WIZ: variants seen among roughly 807,000 people sequenced by gnomAD.
The protein encoded by WIZ is protein Wiz.
A neutral mutation model predicts 140.2 loss-of-function variants in WIZ; 25 were observed. That is an observed-to-expected ratio of 0.18 (90% CI 0.13 to 0.25). The LOEUF is 0.25. Among genes scored for constraint, WIZ ranks in the 10% least tolerant of loss-of-function variants. The probability of loss-of-function intolerance (pLI) is 1.00; values close to 1 mark genes in which losing one functional copy is unlikely to be tolerated. For missense variants in WIZ, 2,231 were observed against 2,632.6 expected, an observed-to-expected ratio of 0.85 and a Z score of 3.34; for synonymous variants, 1,125 against 1,154.3, an observed-to-expected ratio of 0.97 and a Z score of 0.51.
At chr19:15,436,762 C>T (rs1568306781) in intron 5 of WIZ, 44 bp downstream of exon 5, 1 of 1,503,330 alleles carries the variant, frequency 6.7e-7, no homozygotes. Context: ...CTCTGGGCCC[C>T]TGGGAAGGAT....
rs376749300 is a variant in WIZ at position 15,427,037 on chromosome 19, G to A, written c.4311C>T (p.His1437=). 2.5e-6 allele frequency: 4 copies of A among 1,614,058 alleles called. No homozygotes were observed. In the African/African-American group the frequency reaches 5.3e-5, roughly 22 times the overall value. Residue 1437 remains histidine, a synonymous_variant, in exon 9 of 13, where the codon CAC becomes CAT. Coordinates refer to ENST00000673675, the MANE Select transcript of WIZ (RefSeq NM_001371589.1). This position sits in a 1 kb window ranked among gnomAD's most constrained non-coding sequence, Gnocchi z 6.4. The part of the protein sequence containing the change: ...MLPGALHGEL[H]PSEGPWGAPR... ...GTGCCCCCCAGGGACCCTCAGATGG[G>A]TGCAGTTCCCCATGAAGGGCCCCCG...
intron 7 of WIZ, 45 bp downstream of exon 7, chr19:15,429,538 ACCC>A (rs1251861309): frequency 9.0e-7 from 1 of 1,108,286 alleles, no homozygotes; most frequent in African/African-American, 1.7e-5. Context: ...TGAGGTCCCG[ACCC>A]TCCCAGCGCC....
rs547183724 is a variant in WIZ at position 15,432,767 on chromosome 19, G to GTGCCGC, written c.2741-1591_2741-1586dup. Among the ~76,000 whole-genome samples, 15 of 151,682 alleles carry GTGCCGC rather than the reference G, an allele frequency of 9.9e-5. No homozygotes were observed. The South Asian group carries it at 3.1e-3, about 31-fold the overall frequency. ...GGAGCAGCTGAGCGCCGAGTGCCGA[G>GTGCCGC]TGCCGCTGCCGCCGCCGCCAAACCC... On this transcript the variant is annotated intron_variant, in intron 5 of 12. Coordinates refer to ENST00000673675, the MANE Select transcript of WIZ (RefSeq NM_001371589.1).
intron 9 of WIZ, among the ~76,000 whole-genome samples, chr19:15,426,462 C>T (rs1280980877): frequency 6.6e-6 from 1 of 152,194 alleles, no homozygotes; most frequent in Admixed American, 6.5e-5. Context: ...CTCAAGAAAA[C>T]CAGACAGAGT....
Position 15,424,987 on chromosome 19 carries a change from C to T in WIZ, c.4940G>A (p.Arg1647His). Residue 1647 changes from arginine (R) to histidine (H), a missense_variant, in exon 11 of 13, where the codon CGC becomes CAC. Arg to His is a conservative substitution (Grantham distance 29). This residue lies in a region of WIZ where 18 missense variants were observed against 61.4 expected (regional missense o/e 0.29). Transcript: ENST00000673675. The surrounding 1 kb of genome is among the most constrained non-coding windows in gnomAD (Gnocchi z 9.7). Reference protein sequence around the residue: ...CELCGLYFENRKALASHARAH... With the variant: ...CELCGLYFENHKALASHARAH... Reference sequence around the variant, plus strand: ...CCGTGCGTGGCTGGCCAGGGCCTTGCGGTTTTCAAAGTAAAGGCCACACAG... The same window carrying T: ...CCGTGCGTGGCTGGCCAGGGCCTTGTGGTTTTCAAAGTAAAGGCCACACAG... 1 of 1,601,114 alleles carries T rather than the reference C, an allele frequency of 6.2e-7. No individual in the cohort carries two copies.
rs1428800323 is a variant in WIZ at position 15,424,951 on chromosome 19, C to T, written c.4976G>A (p.Arg1659Gln). Residue 1659 changes from arginine to glutamine, a missense_variant, in exon 11 of 13, where the codon CGG (arginine) becomes CAG (glutamine). Physicochemically the swap from Arg to Gln is conservative, Grantham distance 43 (BLOSUM62 1). Around this residue, in one of 15 missense-constraint regions of WIZ, gnomAD observed 18 missense variants for 61.4 expected, o/e 0.29. Coordinates refer to ENST00000673675, the MANE Select transcript of WIZ (RefSeq NM_001371589.1). The surrounding 1 kb of genome is among the most constrained non-coding windows in gnomAD (Gnocchi z 9.7). ...GCACCACTCGGTCACGCCGAACTGC[C>T]GCAGGTGTGCCCGTGCGTGGCTGGC... Reference protein sequence around the residue: ...ALASHARAHLRQFGVTEWCVN... With the variant: ...ALASHARAHLQQFGVTEWCVN... 1 of 1,608,846 alleles carries T rather than the reference C, an allele frequency of 6.2e-7. No individual in the cohort carries two copies. Among genetic ancestry groups the T allele is most frequent in the Non-Finnish European group, 8.5e-7 (1 of 1,178,434 alleles).
intron 3 of WIZ, among the ~76,000 whole-genome samples, chr19:15,441,002 T>C (rs1969725163): frequency 1.3e-5 from 2 of 152,118 alleles, no homozygotes; most frequent in Admixed American, 1.3e-4. Flanking sequence ...CACACGGGGA[T>C]GTGGCCACCT....
At chr19:15,436,298 A>G (rs542779030) in intron 5 of WIZ, among the ~76,000 whole-genome samples, 6 of 152,230 alleles carry the variant, frequency 3.9e-5, no homozygotes, top group Non-Finnish European at 5.9e-5. Context: ...CTATACAACA[A>G]TGCTTCTCAA....
At position 15,429,213 on chromosome 19, in the gene WIZ, T is replaced by C. The variant is rs189228342; in HGVS notation, c.3415+373A>G. 1.9e-3 allele frequency among the ~76,000 whole-genome samples: 289 copies of C among 152,264 alleles called. 1 individual carries two copies. Among genetic ancestry groups the C allele is most frequent in the African/African-American group, 6.6e-3 (275 of 41,542 alleles). On this transcript the variant is annotated intron_variant, in intron 7 of 12. Transcript: ENST00000673675. ...CAGGTGATCCCCTGTCTATCCAAGA[T>C]GCTTCCAACTACCACTGAGAAAGCT... is the stretch of plus-strand genomic sequence containing the variant.
Position 15,423,130 on chromosome 19 carries a change from TG to T in WIZ, c.5615del (p.Pro1872HisfsTer152), listed in dbSNP as rs1387099118. 6.2e-7 allele frequency: 1 copy of T among 1,612,488 alleles called. No homozygotes were observed. Among genetic ancestry groups the T allele is most frequent in the Admixed American group, 1.7e-5 (1 of 59,982 alleles). On this transcript the variant is annotated frameshift_variant, in exon 13 of 13. Transcript: ENST00000673675. LOFTEE classifies it high-confidence loss of function. Reference protein sequence around the residue: ...LEMNFSKADPPPEESQAPQAQ... With the variant: ...LEMNFSKADPXPEESQAPQAQ... ...CCTGCGGGGCCTGGGACTCCTCAGG[TG>T]GGGGGTCCGCTTTGGAGAAGTTCAT... is the stretch of plus-strand genomic sequence containing the variant.
At position 15,442,017 on chromosome 19, in the gene WIZ, T is replaced by C. The variant is rs139283561; in HGVS notation, c.278+659A>G. On this transcript the variant is annotated intron_variant, in intron 3 of 12. Coordinates refer to ENST00000673675, the MANE Select transcript of WIZ (RefSeq NM_001371589.1). The surrounding 1 kb of genome is among the most constrained non-coding windows in gnomAD (Gnocchi z 5.5). ...GCCTGACCAATATGGTGAAACCCCA[T>C]CTCTACTAAAAATACAAAAACTATC... Among the ~76,000 whole-genome samples the C allele has an allele frequency of 2.4e-3, 359 of 152,068 alleles. 2 individuals are homozygous for C. The highest frequency in any genetic ancestry group is 2.1e-3 in the Non-Finnish European group (146 of 67,990).
In WIZ at chr19:15,424,041, C is replaced by T; in HGVS notation, c.5510+142G>A. 1 of 742,034 alleles carries T rather than the reference C, an allele frequency of 1.3e-6. No individual in the cohort carries two copies. The allele number at this position is 742,034 out of a possible 1,614,324, so 46.0% of individuals were successfully genotyped here. ...AGGCTACAAAGCTCAGGGTGTCAGC[C>T]TTTAGCCTGAGCCCCACCACACCCA... On this transcript the variant is annotated intron_variant, in intron 12 of 12. Transcript: ENST00000673675. This position sits in a 1 kb window ranked among gnomAD's most constrained non-coding sequence, Gnocchi z 9.7.
chr19:15,446,145 C>T (rs911925006), intron 2 of WIZ, among the ~76,000 whole-genome samples: 1 of 152,180 alleles, frequency 6.6e-6, no homozygotes. Flanking sequence ...CCTGGCCCCC[C>T]TCAGCAGCCA....
chr19:15,449,298 G>T (rs1449372409), intron 1 of WIZ, among the ~76,000 whole-genome samples: 3 of 151,972 alleles, frequency 2.0e-5, no homozygotes, highest in African/African-American at 4.8e-5. Context: ...GCCCTCGGGG[G>T]CCTGGGGATT....
chr19:15,440,042 T>C lies in WIZ; in HGVS notation c.952A>G (p.Ile318Val). 7 of 1,535,896 alleles carry C rather than the reference T, an allele frequency of 4.6e-6. No individual in the cohort carries two copies. Among genetic ancestry groups the C allele is most frequent in the Non-Finnish European group, 5.2e-6 (6 of 1,146,816 alleles). The change falls in exon 4 of 13, where the codon ATC becomes GTC. Residue 318 changes from isoleucine to valine, a missense_variant. Ile to Val is a conservative substitution (Grantham distance 29, BLOSUM62 3). This residue lies in a region of WIZ where 6 missense variants were observed against 19.8 expected (regional missense o/e 0.30). Transcript: ENST00000673675. This position sits in a 1 kb window ranked among gnomAD's most constrained non-coding sequence, Gnocchi z 6.2. ...TGCTTGAAGTAGATGCTGCACTCGA[T>C]GCATGGGAACACGGCCGGCTCCTCG... is the stretch of plus-strand genomic sequence containing the variant. ...EDEEPAVFPCIECSIYFKQKE... is the reference protein window; with the variant it reads ...EDEEPAVFPCVECSIYFKQKE...
In WIZ at chr19:15,440,230, G is replaced by A. The variant is rs1969684858; in HGVS notation, c.764C>T (p.Pro255Leu). 1 of 1,507,896 alleles carries A rather than the reference G, an allele frequency of 6.6e-7. No homozygotes were observed. The allele number at this position is 1,507,896 out of a possible 1,614,324, so 93.4% of individuals were successfully genotyped here. A position where few individuals can be genotyped will look rare whatever the true frequency, so the allele number is the denominator to read the frequency against. Reference sequence around the variant, plus strand: ...TGTGGCTACCTCCGAGGCTGACGTGGGTAGGCCCCACTCGGACGGCTGGGC... The same window carrying A: ...TGTGGCTACCTCCGAGGCTGACGTGAGTAGGCCCCACTCGGACGGCTGGGC... Reference protein sequence around the residue: ...GLAQPSEWGLPTSASEVATQT... With the variant: ...GLAQPSEWGLLTSASEVATQT... Residue 255 changes from proline to leucine, a missense_variant, in exon 4 of 13, where the codon CCC (proline) becomes CTC (leucine). Around this residue, in one of 15 missense-constraint regions of WIZ, gnomAD observed 307 missense variants for 294.1 expected, o/e 1.04. Transcript: ENST00000673675. This position sits in a 1 kb window ranked among gnomAD's most constrained non-coding sequence, Gnocchi z 6.2.
intron 3 of WIZ, among the ~76,000 whole-genome samples, chr19:15,441,509 G>A (rs757172674): frequency 1.4e-4 from 21 of 152,168 alleles, no homozygotes; most frequent in Non-Finnish European, 2.5e-4. Flanking sequence ...CAATGACCCC[G>A]CAGGGTGTAG....
intron 5 of WIZ, chr19:15,432,504 T>C (rs1464356003): frequency 2.1e-4 from 176 of 828,954 alleles, no homozygotes; most frequent in Middle Eastern, 1.9e-3. Flanking sequence ...GCGGCGGCGG[T>C]GGCGGTGGCG....
chr19:15,424,148 A>C lies in WIZ; in HGVS notation c.5510+35T>G. 3.4e-6 allele frequency: 5 copies of C among 1,460,096 alleles called. No homozygotes were observed. The highest frequency in any genetic ancestry group is 4.5e-6 in the Non-Finnish European group (5 of 1,105,322). 90.4% of individuals were successfully genotyped at this position (1,460,096 alleles called of 1,614,324 possible). On this transcript the variant is annotated intron_variant, in intron 12 of 12. Transcript: ENST00000673675. The surrounding 1 kb of genome is among the most constrained non-coding windows in gnomAD (Gnocchi z 9.7). Reference sequence around the variant, plus strand: ...GGCTCCGGGTGACCAAGGTCCACTCAGGTGGTCTCCCTCCCTCCCCCAGGG... The same window carrying C: ...GGCTCCGGGTGACCAAGGTCCACTCCGGTGGTCTCCCTCCCTCCCCCAGGG...
Sources: gnomAD v4.1 joint callset for allele counts (sites outside exome capture counted in the v4.1 genomes callset) on GRCh38, gnomAD v4.1.1 for gene constraint, gnomAD v4.1.1 regional missense constraint, Gnocchi (gnomAD v3.1) non-coding constraint, MANE v1.5 for transcripts, NCBI Gene and HGNC (gene_info 2026-07-23, HGNC 2026-07-21) for gene names.